Variants in MARCHF4 observed in about 807,000 individuals in gnomAD.
The protein encoded by MARCHF4 is membrane associated ring-CH-type finger 4.
A neutral mutation model predicts 43.9 loss-of-function variants in MARCHF4; 14 were observed. That is an observed-to-expected ratio of 0.32 (90% CI 0.21 to 0.50). The LOEUF (loss-of-function observed/expected upper bound fraction) is 0.50. Ranked by LOEUF, MARCHF4 falls within the 20% of genes least tolerant of loss-of-function variation. MARCHF4 has a pLI of 0.98. For missense variants in MARCHF4, 468 were observed against 536.7 expected (o/e 0.87, Z 1.27); for synonymous variants, 226 against 213.3 (o/e 1.06, Z -0.52).
chr2:216,327,074 T>A (rs1490307969), intron 1 of MARCHF4, among the ~76,000 whole-genome samples: 1 of 152,182 alleles, frequency 6.6e-6, no homozygotes, highest in African/African-American at 2.4e-5. Context: ...GTTTGGCATA[T>A]ACTAAGTGAC....
intron 1 of MARCHF4, among the ~76,000 whole-genome samples, chr2:216,314,839 G>T (rs181497349): frequency 2.0e-5 from 3 of 152,108 alleles, no homozygotes; most frequent in Non-Finnish European, 2.9e-5. Flanking sequence ...GGTAAGAAGA[G>T]CATGAGAGGT....
intron 1 of MARCHF4, among the ~76,000 whole-genome samples, chr2:216,336,689 T>C (rs1254015988): frequency 1.5e-5 from 2 of 135,426 alleles, no homozygotes; most frequent in African/African-American, 2.8e-5. Context: ...TCAGTGTTGG[T>C]AAATTCACCC....
At chr2:216,294,141 T>G (rs1691355430) in intron 1 of MARCHF4, among the ~76,000 whole-genome samples, 1 of 152,238 alleles carries the variant, frequency 6.6e-6, no homozygotes, top group African/African-American at 2.4e-5. Context: ...GCCACTACCC[T>G]GAAATTTCAG....
In MARCHF4 at chr2:216,288,413, T is replaced by C. The variant is rs572091914; in HGVS notation, c.517-4684A>G. Among the ~76,000 whole-genome samples, 20 of 152,308 alleles carry C rather than the reference T, an allele frequency of 1.3e-4. No individual in the cohort carries two copies. In the South Asian group the frequency reaches 4.1e-3, roughly 32 times the overall value. On this transcript the variant is annotated intron_variant, in intron 1 of 3. Transcript: ENST00000273067. ...TTTCTTCTGCAACTCTATTTCCTACTGTCACTCTAAGACAGGTGAAATAGA... is the reference window on the plus strand; with the variant it reads ...TTTCTTCTGCAACTCTATTTCCTACCGTCACTCTAAGACAGGTGAAATAGA...
At chr2:216,303,213 A>G (rs1691522767) in intron 1 of MARCHF4, 1 of 152,208 alleles carries the variant, frequency 6.6e-6, no homozygotes, top group Non-Finnish European at 1.5e-5. Context: ...GGGAAAAAAG[A>G]GCTTGCGGAA....
intron 1 of MARCHF4, among the ~76,000 whole-genome samples, chr2:216,300,052 C>A (rs1691462070): frequency 6.6e-6 from 1 of 152,086 alleles, no homozygotes; most frequent in Non-Finnish European, 1.5e-5. Context: ...TAGGCATTAC[C>A]CAAAGAAAGT....
intron 1 of MARCHF4, among the ~76,000 whole-genome samples, chr2:216,330,879 C>G (rs908212566): frequency 6.6e-6 from 1 of 151,746 alleles, no homozygotes; most frequent in Non-Finnish European, 1.5e-5. Context: ...TAGGAAAGAA[C>G]AAGGCTGAAA....
chr2:216,345,067 A>G (rs904649770), intron 1 of MARCHF4, among the ~76,000 whole-genome samples: 5 of 152,036 alleles, frequency 3.3e-5, no homozygotes, highest in Admixed American at 1.3e-4. Context: ...GAGAATGAGG[A>G]TGGCAACTTC....
intron 3 of MARCHF4, 110 bp from the exon 4 acceptor site, chr2:216,259,789 G>A: frequency 9.1e-7 from 1 of 1,094,636 alleles, no homozygotes. Flanking sequence ...TGGCTCCAGT[G>A]CTGAGCCATG....
intron 1 of MARCHF4, among the ~76,000 whole-genome samples, chr2:216,353,516 G>A (rs1253341708): frequency 6.6e-6 from 1 of 152,124 alleles, no homozygotes; most frequent in Non-Finnish European, 1.5e-5. Context: ...CCTTGAACAT[G>A]TCCCCTCACC....
At chr2:216,368,814 C>T (rs1361270896) in intron 1 of MARCHF4, among the ~76,000 whole-genome samples, 1 of 152,146 alleles carries the variant, frequency 6.6e-6, no homozygotes, top group Non-Finnish European at 1.5e-5. Flanking sequence ...GAGAGTGTTG[C>T]CACATTCTAT....
chr2:216,264,235 C>T (rs544513649), intron 3 of MARCHF4, among the ~76,000 whole-genome samples: 38 of 152,146 alleles, frequency 2.5e-4, no homozygotes, highest in Non-Finnish European at 4.6e-4. Context: ...TTGTTTGGAT[C>T]ACACCCCTTT....
intron 1 of MARCHF4, among the ~76,000 whole-genome samples, chr2:216,289,238 C>CA (rs1371030158): frequency 3.4e-5 from 3 of 87,946 alleles, no homozygotes; most frequent in Admixed American, 1.0e-4. Context: ...TCCCCACCCG[C>CA]CCCCCACCCA....
intron 1 of MARCHF4, among the ~76,000 whole-genome samples, chr2:216,332,150 G>T (rs1262379235): frequency 6.6e-6 from 1 of 152,124 alleles, no homozygotes; most frequent in East Asian, 1.9e-4. Context: ...CAGCACTTTG[G>T]GAGGCCAAGG....
Position 216,331,303 on chromosome 2 carries a change from TA to T in MARCHF4, c.516+38441del, listed in dbSNP as rs1004027235. Among the ~76,000 whole-genome samples, 138 of 151,812 alleles carry T rather than the reference TA, an allele frequency of 9.1e-4. 1 individual carries two copies. The highest frequency in any genetic ancestry group is 8.8e-5 in the Non-Finnish European group (6 of 67,908). On this transcript the variant is annotated intron_variant, in intron 1 of 3. Coordinates refer to ENST00000273067, the MANE Select transcript of MARCHF4 (RefSeq NM_020814.3). ...AAAAGCACAATTTAAAAAAAACAAT[TA>T]AAAAATAAAAATCTGAATAGCTGTA...
chr2:216,312,491 T>C (rs996348741), intron 1 of MARCHF4, among the ~76,000 whole-genome samples: 1 of 152,144 alleles, frequency 6.6e-6, no homozygotes, highest in African/African-American at 2.4e-5. Flanking sequence ...GAGGTTGAAC[T>C]AACTTCATTC....
At chr2:216,328,474 A>C (rs1692031272) in intron 1 of MARCHF4, among the ~76,000 whole-genome samples, 1 of 152,242 alleles carries the variant, frequency 6.6e-6, no homozygotes, top group Non-Finnish European at 1.5e-5. Context: ...AAGTTGTTCA[A>C]ACCACACATC....
chr2:216,350,466 C>T (rs1490494787), intron 1 of MARCHF4, among the ~76,000 whole-genome samples: 1 of 151,532 alleles, frequency 6.6e-6, no homozygotes, highest in African/African-American at 2.4e-5. Context: ...ACCTTGCTTA[C>T]CCACACCATC....
chr2:216,347,901 A>G (rs1692345710), intron 1 of MARCHF4, among the ~76,000 whole-genome samples: 2 of 150,672 alleles, frequency 1.3e-5, no homozygotes, highest in South Asian at 2.1e-4. Context: ...CAGTTTTCAT[A>G]CATCCCTCAT....
Sources: allele counts gnomAD v4.1 joint callset (sites outside exome capture counted in the v4.1 genomes callset), GRCh38; gene constraint gnomAD v4.1.1; transcripts MANE v1.5; gene names NCBI Gene and HGNC (gene_info 2026-07-23, HGNC 2026-07-21).